Variants in MSL3 observed in about 807,000 individuals in gnomAD.
MSL3 encodes the protein MSL3-like 1.
A neutral mutation model predicts 37.2 loss-of-function variants in MSL3; 5 were observed. The ratio of observed to expected loss-of-function variants is 0.13; its 90% confidence interval spans 0.07 to 0.28. The LOEUF (loss-of-function observed/expected upper bound fraction) is 0.28. Ranked by LOEUF, MSL3 falls within the 10% of genes least tolerant of loss-of-function variation. MSL3 has a pLI of 1.00. For synonymous variants in MSL3, 149 were observed against 147.6 expected (o/e 1.01, Z -0.07); for missense variants, 315 against 408.5 (o/e 0.77, Z 1.97).
At chrX:11,769,823 C>T (rs2053217101) in intron 10 of MSL3, among the ~76,000 whole-genome samples, 1 of 112,142 alleles carries the variant, frequency 8.9e-6, no homozygotes, top group Non-Finnish European at 1.9e-5. Context: ...CCAGCCTGGT[C>T]ACCAACTCCT....
chrX:11,772,501 T>A, intron 11 of MSL3, 120 bp from the exon 12 acceptor site: 1 of 506,202 alleles, frequency 2.0e-6, no homozygotes, highest in South Asian at 3.3e-5. Flanking sequence ...TGTTTGATAA[T>A]GTGGATGTTA....
At position 11,767,396 on chromosome X, in the gene MSL3, G is replaced by A. The variant is rs967742028; in HGVS notation, c.1172-1177G>A. 2.1e-5 allele frequency: 7 copies of A among 339,480 alleles called. No homozygotes were observed. The Admixed American group carries it at 3.7e-4, about 18-fold the overall frequency. The allele number at this position is 339,480 out of a possible 1,213,427, so 28.0% of individuals were successfully genotyped here. A position where few individuals can be genotyped will look rare whatever the true frequency, so the allele number is the denominator to read the frequency against. Reference sequence around the variant, plus strand: ...AGTGGTTCATGCCTGTGAGACTGGGGCAGGAGGATCACTTGAGGCCAGGAG... The same window carrying A: ...AGTGGTTCATGCCTGTGAGACTGGGACAGGAGGATCACTTGAGGCCAGGAG... On this transcript the variant is annotated intron_variant, in intron 9 of 12. Coordinates refer to ENST00000312196, the MANE Select transcript of MSL3 (RefSeq NM_078629.4).
In MSL3 at chrX:11,763,900, T is replaced by G; in HGVS notation, c.870T>G (p.Phe290Leu). 8.3e-7 allele frequency: 1 copy of G among 1,209,933 alleles called. No individual in the cohort carries two copies. The highest frequency in any genetic ancestry group is 1.1e-6 in the Non-Finnish European group (1 of 894,538). ...ATAAAAAGGTGACTTCGTCTAAATT[T>G]TTTCTTCCAATTAAGGAAAGTGCCA... ...AQYKKVTSSK[F>L]FLPIKESATS... The change falls in exon 8 of 13, where the codon TTT becomes TTG. Residue 290 changes from phenylalanine to leucine, a missense_variant. Physicochemically the swap from Phe to Leu is conservative, Grantham distance 22. Coordinates refer to ENST00000312196, the MANE Select transcript of MSL3 (RefSeq NM_078629.4).
intron 7 of MSL3, among the ~76,000 whole-genome samples, chrX:11,763,259 T>C (rs185488430): frequency 8.8e-6 from 1 of 113,236 alleles, no homozygotes; most frequent in African/African-American, 3.2e-5. Flanking sequence ...TTTTCAGTGA[T>C]ACTGTTTAGG....
chrX:11,770,000 G>A (rs772565737), intron 10 of MSL3, among the ~76,000 whole-genome samples: 28 of 112,769 alleles, frequency 2.5e-4, no homozygotes, highest in Admixed American at 6.5e-4. Context: ...GGTCTCTTGA[G>A]AGACTGCTCA....
intron 10 of MSL3, among the ~76,000 whole-genome samples, chrX:11,771,429 C>G (rs930549854): frequency 7.1e-5 from 8 of 112,721 alleles, no homozygotes; most frequent in Non-Finnish European, 1.5e-4. Flanking sequence ...TCAGTTGATT[C>G]AAGGGGTTAA....
rs990003343 is a variant in MSL3 at position 11,772,567 on chromosome X, T to C, written c.1382-54T>C. 10 of 847,268 alleles carry C rather than the reference T, an allele frequency of 1.2e-5. No individual in the cohort carries two copies. The East Asian group carries it at 1.9e-4, about 16-fold the overall frequency. The allele number at this position is 847,268 out of a possible 1,213,427, so 69.8% of individuals were successfully genotyped here. On this transcript the variant is annotated intron_variant, in intron 11 of 12. Transcript: ENST00000312196. ...CCAGACCTTCCCTGAGTGAATCCTA[T>C]GCATTGTCAGATTCTGCTAATTGTA...
chrX:11,766,881 G>A (rs2053189010), intron 9 of MSL3: 2 of 754,818 alleles, frequency 2.6e-6, no homozygotes, highest in South Asian at 6.7e-5. Flanking sequence ...GCTAACGTCA[G>A]GGTAAAACTA....
chrX:11,763,964 C>A (rs1397376940), intron 8 of MSL3, 26 bp downstream of exon 8: 1 of 1,161,939 alleles, frequency 8.6e-7, no homozygotes. Context: ...TGCACTTTCA[C>A]CCTCACATGT....
intron 9 of MSL3, chrX:11,766,485 G>A: frequency 2.7e-6 from 2 of 753,637 alleles, no homozygotes; most frequent in Non-Finnish European, 3.1e-6. Context: ...CAATCTGGTT[G>A]TTTAGCCTAT....
intron 8 of MSL3, among the ~76,000 whole-genome samples, chrX:11,765,059 C>T (rs910253575): frequency 3.5e-5 from 4 of 112,853 alleles, no homozygotes; most frequent in African/African-American, 9.7e-5. Context: ...TCTAGACCAG[C>T]GTTTCTCAGC....
intron 9 of MSL3, chrX:11,766,762 C>G: frequency 1.3e-6 from 1 of 754,893 alleles, no homozygotes; most frequent in Non-Finnish European, 1.6e-6. Flanking sequence ...AGGCGCCAAG[C>G]ACCCAACTCC....
intron 12 of MSL3, among the ~76,000 whole-genome samples, chrX:11,774,078 T>C (rs1006938604): frequency 2.7e-5 from 3 of 112,056 alleles, no homozygotes; most frequent in African/African-American, 6.5e-5. Flanking sequence ...CAAGATATCA[T>C]ATGTATATTG....
At position 11,772,260 on chromosome X, in the gene MSL3, G is replaced by A. The variant is rs769636071; in HGVS notation, c.1381+5G>A. 3 of 1,175,618 alleles carry A rather than the reference G, an allele frequency of 2.6e-6. No homozygotes were observed. Among genetic ancestry groups the A allele is most frequent in the Middle Eastern group, 2.3e-4 (1 of 4,271 alleles). ...AACATTTGCTGCGATTGTTTGGTAAGAATCCTGGTTCCTGCCTTCTTTCCA... is the reference window on the plus strand; with the variant it reads ...AACATTTGCTGCGATTGTTTGGTAAAAATCCTGGTTCCTGCCTTCTTTCCA... On this transcript the variant is annotated splice_donor_5th_base_variant and intron_variant, in intron 11 of 12. Coordinates refer to ENST00000312196, the MANE Select transcript of MSL3 (RefSeq NM_078629.4).
chrX:11,758,865 G>T (rs1311550196), intron 1 of MSL3: 13 of 934,124 alleles, frequency 1.4e-5, no homozygotes, highest in Non-Finnish European at 1.9e-5. Flanking sequence ...CCCGCCTGTA[G>T]GCCGTGAACC....
At chrX:11,772,334 G>A in intron 11 of MSL3, 79 bp downstream of exon 11, 2 of 830,565 alleles carry the variant, frequency 2.4e-6, no homozygotes, top group South Asian at 2.6e-5. Flanking sequence ...CTTGTGGTTT[G>A]GGCTATAATT....
At chrX:11,761,371 G>T (rs1378167492) in intron 4 of MSL3, 129 bp from the exon 5 acceptor site, 2 of 410,013 alleles carry the variant, frequency 4.9e-6, no homozygotes, top group Non-Finnish European at 8.6e-6. Context: ...TTTGTGTTTG[G>T]CATTTAAAAA....
intron 10 of MSL3, among the ~76,000 whole-genome samples, chrX:11,770,619 A>G (rs113499444): frequency 0.022 from 2,459 of 111,098 alleles, 60 homozygotes; most frequent in African/African-American, 0.076. Flanking sequence ...CTCAGTTCCA[A>G]TCGCTGCTCC....
At chrX:11,758,888 C>T in intron 1 of MSL3, 1 of 758,704 alleles carries the variant, frequency 1.3e-6, no homozygotes, top group African/African-American at 2.1e-5. Flanking sequence ...ATCCCGAGGG[C>T]AAGGTTGGCC....
Sources: allele counts gnomAD v4.1 joint callset (sites outside exome capture counted in the v4.1 genomes callset), GRCh38; gene constraint gnomAD v4.1.1; transcripts MANE v1.5; gene names NCBI Gene and HGNC (gene_info 2026-07-23, HGNC 2026-07-21).